PPP1R13L: variants seen among roughly 807,000 people sequenced by gnomAD.
PPP1R13L encodes relA-associated inhibitor.
In PPP1R13L, 50 loss-of-function variants were observed where a neutral mutation model predicts 80.9. That is an observed-to-expected ratio of 0.62 (90% CI 0.49 to 0.78). The LOEUF is 0.78. Among genes scored for constraint, PPP1R13L ranks in the 30% least tolerant of loss-of-function variants. The pLI is 0.00. For missense variants in PPP1R13L, 1,200 were observed against 1,205.9 expected (o/e 1.00, Z 0.07); for synonymous variants, 602 against 534.3 (o/e 1.13, Z -1.75).
rs202054715 is a variant in PPP1R13L at position 45,382,488 on chromosome 19, A to G, written c.2448+39T>C. The G allele has an allele frequency of 1.2e-5, 19 of 1,591,480 alleles. No homozygotes were observed. In the African/African-American group the frequency reaches 1.5e-4, roughly 12 times the overall value. ...GGATCCCCCTTTTCCCCAACCCCCA[A>G]CTGTCGGGAGGTCCCCATGACTTCT... On this transcript the variant is annotated intron_variant, in intron 12 of 12. Coordinates refer to ENST00000360957, the MANE Select transcript of PPP1R13L (RefSeq NM_006663.4).
At chr19:45,380,292 G>A (rs373984248) in intron 12 of PPP1R13L, 64 bp from the exon 13 acceptor site, 17 of 1,580,494 alleles carry the variant, frequency 1.1e-5, no homozygotes, top group Admixed American at 6.7e-5. Context: ...ATGCAAATCC[G>A]CTGCCTGTCT....
At position 45,397,379 on chromosome 19, in the gene PPP1R13L, TTTTC is replaced by T. The variant is rs537058137; in HGVS notation, c.199-325_199-322del. ...TTCTTTCTTTCTTTCTCTCTCTTTC[TTTTC>T]TTTCTTTCTTTCCTCTCTCTCCTTC... On this transcript the variant is annotated intron_variant, in intron 3 of 12. Coordinates refer to ENST00000360957, the MANE Select transcript of PPP1R13L (RefSeq NM_006663.4). Among the ~76,000 whole-genome samples, 1,139 of 151,210 alleles carry T rather than the reference TTTTC, an allele frequency of 7.5e-3. 12 individuals are homozygous for T. The highest frequency in any genetic ancestry group is 0.034 in the Middle Eastern group (10 of 294).
rs527405936 is a variant in PPP1R13L, at chr19:45,401,303, C to A, written c.-21-2964G>T. ...CAGGGAGGCGGAGCTTTCAGTGAGC[C>A]GAGATCGCGCCACTGCACTCCAGCC... On this transcript the variant is annotated intron_variant, in intron 1 of 12. Coordinates refer to ENST00000360957, the MANE Select transcript of PPP1R13L (RefSeq NM_006663.4). Among the ~76,000 whole-genome samples the A allele has an allele frequency of 5.4e-5, 8 of 149,186 alleles. No individual in the cohort carries two copies. In the East Asian group the frequency reaches 1.6e-3, roughly 30 times the overall value.
chr19:45,389,099 C>T (rs1256175850), intron 8 of PPP1R13L, among the ~76,000 whole-genome samples: 2 of 152,190 alleles, frequency 1.3e-5, no homozygotes, highest in African/African-American at 4.8e-5. Flanking sequence ...TAAAATGTTA[C>T]TATCCTAAGA....
chr19:45,401,372 AAAT>A (rs1390806347), intron 1 of PPP1R13L, among the ~76,000 whole-genome samples: 1 of 142,724 alleles, frequency 7.0e-6, no homozygotes, highest in South Asian at 2.3e-4. Flanking sequence ...AAAAAAAAAA[AAAT>A]TTGTAGAGAC....
chr19:45,396,492 T>C lies in PPP1R13L; in HGVS notation c.712+53A>G, dbSNP rs1973097022. On this transcript the variant is annotated intron_variant, in intron 4 of 12. Coordinates refer to ENST00000360957, the MANE Select transcript of PPP1R13L (RefSeq NM_006663.4). This position sits in a 1 kb window ranked among gnomAD's most constrained non-coding sequence, Gnocchi z 5.3. ...GGGAGGGGTGGCGAGCCCCGGATCCTGCCCGCTTTGACCCCGCGAGTCAAA... is the reference window on the plus strand; with the variant it reads ...GGGAGGGGTGGCGAGCCCCGGATCCCGCCCGCTTTGACCCCGCGAGTCAAA... 3 of 1,609,414 alleles carry C rather than the reference T, an allele frequency of 1.9e-6. No individual in the cohort carries two copies. The highest frequency in any genetic ancestry group is 1.7e-6 in the Non-Finnish European group (2 of 1,178,412).
chr19:45,388,880 G>A (rs1972916365), intron 8 of PPP1R13L, among the ~76,000 whole-genome samples: 1 of 151,868 alleles, frequency 6.6e-6, no homozygotes. Context: ...TGGGATTACA[G>A]GCATGCACCA....
At chr19:45,390,562 C>T (rs1250501302) in intron 8 of PPP1R13L, among the ~76,000 whole-genome samples, 1 of 152,144 alleles carries the variant, frequency 6.6e-6, no homozygotes, top group Non-Finnish European at 1.5e-5. Flanking sequence ...GGCCCTTTCA[C>T]GTGGACCCCT....
chr19:45,392,101 C>T lies in PPP1R13L; in HGVS notation c.1594G>A (p.Ala532Thr). 6.5e-7 allele frequency: 1 copy of T among 1,548,340 alleles called. No individual in the cohort carries two copies. Among genetic ancestry groups the T allele is most frequent in the Non-Finnish European group, 8.7e-7 (1 of 1,146,624 alleles). ...TTGTGGGTAGGGGGCAGGGCCACAG[C>T]AGGGGCCTGCTCCATGGAGCCCCTG... ...KRRGSMEQAPAVALPPTHKKQ... is the reference protein window; with the variant it reads ...KRRGSMEQAPTVALPPTHKKQ... The change falls in exon 8 of 13, where the codon GCT (alanine) becomes ACT (threonine). Residue 532 changes from alanine (A) to threonine (T), a missense_variant. Ala to Thr is a moderately conservative substitution (Grantham distance 58, BLOSUM62 0). Around this residue, in one of 5 missense-constraint regions of PPP1R13L, gnomAD observed 53 missense variants for 96.5 expected, o/e 0.55. Coordinates refer to ENST00000360957, the MANE Select transcript of PPP1R13L (RefSeq NM_006663.4).
At chr19:45,380,262 C>T (rs1382251598) in intron 12 of PPP1R13L, 34 bp from the exon 13 acceptor site, 2 of 1,612,220 alleles carry the variant, frequency 1.2e-6, no homozygotes, top group African/African-American at 1.3e-5. Flanking sequence ...ACATCAGGAG[C>T]TCCCACCTCC....
rs1972735423 is a variant in PPP1R13L at position 45,380,198 on chromosome 19, T to C, written c.2479A>G (p.Lys827Glu). The change falls in exon 13 of 13, where the codon AAA becomes GAA. Residue 827 changes from lysine to glutamate, a missense_variant. Transcript: ENST00000360957. Reference sequence around the variant, plus strand: ...AACCTCCTTCTATCCTGCTAGACTTTACTCCTTTGAGGCTTCACCCTGGGG... The same window carrying C: ...AACCTCCTTCTATCCTGCTAGACTTCACTCCTTTGAGGCTTCACCCTGGGG... ...LFPRVKPQRSKV is the reference protein window; with the variant it reads ...LFPRVKPQRSEV 1 of 1,614,060 alleles carries C rather than the reference T, an allele frequency of 6.2e-7. No individual in the cohort carries two copies. The highest frequency in any genetic ancestry group is 1.1e-5 in the South Asian group (1 of 91,074).
intron 8 of PPP1R13L, among the ~76,000 whole-genome samples, chr19:45,390,678 C>T (rs544171646): frequency 7.2e-5 from 11 of 152,090 alleles, no homozygotes; most frequent in African/African-American, 1.4e-4. Flanking sequence ...TTCTTTAATC[C>T]GGTGTCTGAG....
At chr19:45,400,161 G>T (rs1056041363) in intron 1 of PPP1R13L, among the ~76,000 whole-genome samples, 1 of 151,950 alleles carries the variant, frequency 6.6e-6, no homozygotes, top group Non-Finnish European at 1.5e-5. Flanking sequence ...GATTAGAGGG[G>T]TCCTAGAGGG....
At chr19:45,383,026 G>T (rs551987742) in intron 11 of PPP1R13L, among the ~76,000 whole-genome samples, 2 of 138,048 alleles carry the variant, frequency 1.4e-5, no homozygotes, top group Admixed American at 7.6e-5. Flanking sequence ...ACAGAGTCTC[G>T]CTCTGTCGCC....
chr19:45,382,688 C>G lies in PPP1R13L; in HGVS notation c.2287G>C (p.Val763Leu). ...QSMGLMNSGA[V>L]YALWDYSAEF... ...GCGCTGTAGTCCCAGAGAGCGTACA[C>G]TGCCCCGCTGTTCATCAGCCCCATA... Residue 763 changes from valine to leucine, a missense_variant, in exon 12 of 13, where the codon GTG becomes CTG. Physicochemically the swap from Val to Leu is conservative, Grantham distance 32. Coordinates refer to ENST00000360957, the MANE Select transcript of PPP1R13L (RefSeq NM_006663.4). 1 of 1,614,066 alleles carries G rather than the reference C, an allele frequency of 6.2e-7. No homozygotes were observed. The highest frequency in any genetic ancestry group is 8.5e-7 in the Non-Finnish European group (1 of 1,180,054).
rs977523450 is a variant in PPP1R13L at position 45,400,600 on chromosome 19, A to AC, written c.-21-2262dup. Among the ~76,000 whole-genome samples the AC allele has an allele frequency of 1.1e-4, 13 of 122,092 alleles. No individual in the cohort carries two copies. In the South Asian group the frequency reaches 1.6e-3, roughly 15 times the overall value. 80.1% of individuals were successfully genotyped at this position (122,092 alleles called of 152,430 possible). On this transcript the variant is annotated intron_variant, in intron 1 of 12. Coordinates refer to ENST00000360957, the MANE Select transcript of PPP1R13L (RefSeq NM_006663.4). ...CCAACATCAAAGAAGAAGGCAAATC[A>AC]CCTTTTTTTTTTTTTTTGAGATAGG... is the stretch of plus-strand genomic sequence containing the variant.
chr19:45,392,014 C>T lies in PPP1R13L; in HGVS notation c.1681G>A (p.Gly561Arg). 8 of 1,540,506 alleles carry T rather than the reference C, an allele frequency of 5.2e-6. No homozygotes were observed. Among genetic ancestry groups the T allele is most frequent in the Non-Finnish European group, 7.0e-6 (8 of 1,147,032 alleles). ...FHRHGGPGPG[G>R]PEPELSPITE... is the part of the protein sequence containing the mutation. Reference sequence around the variant, plus strand: ...ATGGGGGACAGCTCTGGCTCCGGCCCCCCGGGCCCTGGCCCCCCATGACGA... The same window carrying T: ...ATGGGGGACAGCTCTGGCTCCGGCCTCCCGGGCCCTGGCCCCCCATGACGA... The change falls in exon 8 of 13, where the codon GGG (glycine) becomes AGG (arginine). Residue 561 changes from glycine to arginine, a missense_variant. Physicochemically the swap from Gly to Arg is moderately radical, Grantham distance 125. Around this residue, in one of 5 missense-constraint regions of PPP1R13L, gnomAD observed 214 missense variants for 199.6 expected, o/e 1.07. Transcript: ENST00000360957.
At position 45,385,680 on chromosome 19, in the gene PPP1R13L, C is replaced by T. The variant is rs373991635; in HGVS notation, c.2130G>A (p.Met710Ile). ...AASCNDTVIC[M>I]ALVQHGAAIF... ...TTGCAGCGCCGTGCTGCACCAGCGC[C>T]ATGCAGATGACTGTGTCGTTGCACG... The change falls in exon 11 of 13, where the codon ATG becomes ATA. Residue 710 changes from methionine (M) to isoleucine (I), a missense_variant. Physicochemically the swap from Met to Ile is conservative, Grantham distance 10. Around this residue, in one of 5 missense-constraint regions of PPP1R13L, gnomAD observed 165 missense variants for 177.1 expected, o/e 0.93. Transcript: ENST00000360957. The T allele has an allele frequency of 5.6e-6, 9 of 1,612,872 alleles. No individual in the cohort carries two copies. Among genetic ancestry groups the T allele is most frequent in the Non-Finnish European group, 5.9e-6 (7 of 1,179,838 alleles).
chr19:45,392,923 T>TGGGAGGCCGAGGCA (rs530621813), intron 7 of PPP1R13L: 205 of 156,290 alleles, frequency 1.3e-3, no homozygotes, highest in Middle Eastern at 7.0e-3. Context: ...CCCAGAACTT[T>TGGGAGGCCGAGGCA]GGGAGGCCGA....
Sources: gnomAD v4.1 joint callset for allele counts (sites outside exome capture counted in the v4.1 genomes callset) on GRCh38, gnomAD v4.1.1 for gene constraint, gnomAD v4.1.1 regional missense constraint, Gnocchi (gnomAD v3.1) non-coding constraint, MANE v1.5 for transcripts, NCBI Gene and HGNC (gene_info 2026-07-23, HGNC 2026-07-21) for gene names.